NPAS2: variants seen among roughly 807,000 people sequenced by gnomAD.
NPAS2 encodes the protein neuronal PAS domain-containing protein 2.
A neutral mutation model predicts 107.5 loss-of-function variants in NPAS2; 23 were observed. That is an observed-to-expected ratio of 0.21 (90% confidence interval 0.15 to 0.30). The LOEUF is 0.30. NPAS2 is among the 10% of genes least tolerant of loss of function. NPAS2 has a pLI of 1.00. For missense variants in NPAS2, 756 were observed against 1,043.3 expected, an observed-to-expected ratio of 0.72 and a Z score of 3.79; for synonymous variants, 403 against 417.5, an observed-to-expected ratio of 0.97 and a Z score of 0.42.
intron 7 of NPAS2, among the ~76,000 whole-genome samples, chr2:100,954,241 G>A (rs1675417157): frequency 6.6e-6 from 1 of 152,208 alleles, no homozygotes; most frequent in Non-Finnish European, 1.5e-5. Flanking sequence ...AGCTTTAGGT[G>A]CGTTGCTTTG....
intron 1 of NPAS2, among the ~76,000 whole-genome samples, chr2:100,872,463 G>A (rs970290025): frequency 7.2e-4 from 109 of 152,262 alleles, no homozygotes; most frequent in African/African-American, 2.5e-3. Flanking sequence ...CTTTCCTGCT[G>A]TAAAATGGAA....
intron 2 of NPAS2, among the ~76,000 whole-genome samples, chr2:100,911,518 A>T (rs771233932): frequency 6.6e-6 from 1 of 151,990 alleles, no homozygotes; most frequent in African/African-American, 2.4e-5. Flanking sequence ...TCCGCTTCCC[A>T]GGTTCAAGCA....
chr2:100,962,537 T>G (rs1573731975), intron 7 of NPAS2, among the ~76,000 whole-genome samples: 1 of 152,306 alleles, frequency 6.6e-6, no homozygotes, highest in East Asian at 1.9e-4. Flanking sequence ...GCAGAGCCTT[T>G]GAGAAGGCCA....
At chr2:100,895,475 A>C (rs1681350733) in intron 1 of NPAS2, among the ~76,000 whole-genome samples, 1 of 152,208 alleles carries the variant, frequency 6.6e-6, no homozygotes. Context: ...GCCTGACCCC[A>C]GGCCACCACT....
At chr2:100,905,153 C>T (rs1682062006) in intron 2 of NPAS2, among the ~76,000 whole-genome samples, 1 of 152,118 alleles carries the variant, frequency 6.6e-6, no homozygotes, top group African/African-American at 2.4e-5. Context: ...GATTCAAGTC[C>T]TAACTCAGTT....
chr2:100,946,994 G>A (rs922069912), intron 5 of NPAS2, among the ~76,000 whole-genome samples: 4 of 152,174 alleles, frequency 2.6e-5, no homozygotes, highest in East Asian at 3.9e-4. Context: ...AAAGAATGCC[G>A]ATGTTCAGGA....
chr2:100,945,531 A>G (rs1436639374), intron 5 of NPAS2, among the ~76,000 whole-genome samples: 1 of 152,206 alleles, frequency 6.6e-6, no homozygotes, highest in East Asian at 1.9e-4. Flanking sequence ...ATGCACGAGC[A>G]GTTCTGCCAC....
chr2:100,979,072 T>G (rs1322812717), intron 15 of NPAS2, among the ~76,000 whole-genome samples: 2 of 152,158 alleles, frequency 1.3e-5, no homozygotes, highest in Admixed American at 6.5e-5. Flanking sequence ...TGATGAAAAC[T>G]ATTTCGGAAC....
intron 1 of NPAS2, among the ~76,000 whole-genome samples, chr2:100,859,112 A>C (rs1042841437): frequency 6.6e-6 from 1 of 152,224 alleles, no homozygotes; most frequent in African/African-American, 2.4e-5. Flanking sequence ...AAAAAATACA[A>C]AATTAGCCGG....
At chr2:100,873,284 A>G (rs1222256292) in intron 1 of NPAS2, among the ~76,000 whole-genome samples, 2 of 32,504 alleles carry the variant, frequency 6.2e-5, no homozygotes, top group African/African-American at 2.4e-4. Context: ...ACATATATAT[A>G]TATATATATA....
At chr2:100,970,937 A>G in intron 11 of NPAS2, 53 bp from the exon 12 acceptor site, 3 of 1,526,552 alleles carry the variant, frequency 2.0e-6, no homozygotes, top group Non-Finnish European at 2.7e-6. Flanking sequence ...AGGTGGTGTC[A>G]TCCCTTCCTG....
chr2:100,951,623 A>G (rs1675226464), intron 7 of NPAS2, among the ~76,000 whole-genome samples: 1 of 152,182 alleles, frequency 6.6e-6, no homozygotes, highest in African/African-American at 2.4e-5. Context: ...ATGAGGTACC[A>G]TAGCCAAATT....
intron 15 of NPAS2, among the ~76,000 whole-genome samples, chr2:100,981,778 C>G (rs1677457957): frequency 6.6e-6 from 1 of 152,124 alleles, no homozygotes; most frequent in Admixed American, 6.5e-5. Flanking sequence ...CGACCGGACC[C>G]AAAAATGCCT....
chr2:100,838,419 AG>A (rs1677195318), intron 1 of NPAS2, among the ~76,000 whole-genome samples: 1 of 152,066 alleles, frequency 6.6e-6, no homozygotes, highest in Non-Finnish European at 1.5e-5. Context: ...CTGGGATTAC[AG>A]GCACCCACCA....
chr2:100,861,295 AC>A (rs1040233511), intron 1 of NPAS2, among the ~76,000 whole-genome samples: 28 of 152,286 alleles, frequency 1.8e-4, no homozygotes, highest in African/African-American at 6.7e-4. Flanking sequence ...GAAGCAGGAG[AC>A]AAACCGGGGA....
At chr2:100,905,175 G>A (rs564843339) in intron 2 of NPAS2, among the ~76,000 whole-genome samples, 3 of 152,100 alleles carry the variant, frequency 2.0e-5, no homozygotes, top group South Asian at 2.1e-4. Flanking sequence ...CTGGGGCTCT[G>A]TCTGGCTTTG....
chr2:100,953,385 A>T (rs1035688168), intron 7 of NPAS2, among the ~76,000 whole-genome samples: 1 of 151,686 alleles, frequency 6.6e-6, no homozygotes, highest in African/African-American at 2.4e-5. Flanking sequence ...TAAAAAAAAA[A>T]AAAAACAAAA....
intron 2 of NPAS2, among the ~76,000 whole-genome samples, chr2:100,923,788 C>T (rs1468327165): frequency 6.6e-6 from 1 of 152,194 alleles, no homozygotes; most frequent in Admixed American, 6.5e-5. Flanking sequence ...CCTGGATCAC[C>T]TTCAAATACG....
intron 3 of NPAS2, among the ~76,000 whole-genome samples, chr2:100,927,370 A>G (rs1055054819): frequency 6.6e-6 from 1 of 152,206 alleles, no homozygotes; most frequent in Non-Finnish European, 1.5e-5. Context: ...CTGGCACTCC[A>G]TTCTTTTTCT....
Sources: allele counts gnomAD v4.1 joint callset (sites outside exome capture counted in the v4.1 genomes callset), GRCh38; gene constraint gnomAD v4.1.1; transcripts MANE v1.5; gene names NCBI Gene and HGNC (gene_info 2026-07-23, HGNC 2026-07-21).